PARVB: variants seen among roughly 807,000 people sequenced by gnomAD.
PARVB encodes the protein parvin beta.
Under a neutral mutation model 47.0 loss-of-function variants are expected in PARVB, and 46 were observed. The observed-to-expected ratio is 0.98, with a 90% CI of 0.77 to 1.25. PARVB has a LOEUF of 1.25. PARVB is among the 50% of genes most tolerant of loss of function. PARVB has a pLI of 0.00. For synonymous variants in PARVB, 196 were observed against 196.3 expected, an observed-to-expected ratio of 1.00 and a Z score of 0.01; for missense variants, 473 against 471.6, an observed-to-expected ratio of 1.00 and a Z score of -0.03.
chr22:44,132,235 T>C (rs966463356), intron 5 of PARVB, among the ~76,000 whole-genome samples: 23 of 152,304 alleles, frequency 1.5e-4, no homozygotes, highest in Non-Finnish European at 2.5e-4. Flanking sequence ...CAGGAGACCC[T>C]GGAGCCTGGC....
intron 2 of PARVB, among the ~76,000 whole-genome samples, chr22:44,096,573 G>A (rs1339948702): frequency 6.6e-6 from 1 of 152,184 alleles, no homozygotes; most frequent in Non-Finnish European, 1.5e-5. Flanking sequence ...ACCCTGTGAG[G>A]TGGGTTGTAT....
At chr22:44,137,585 C>G (rs2053464326) in intron 7 of PARVB, among the ~76,000 whole-genome samples, 1 of 152,200 alleles carries the variant, frequency 6.6e-6, no homozygotes, top group African/African-American at 2.4e-5. Flanking sequence ...GCAATTTAGG[C>G]TGGGCTCAGC....
At position 44,155,621 on chromosome 22, in the gene PARVB, C is replaced by G. The variant is rs2053915111; in HGVS notation, c.844-2361C>G. 1.3e-5 allele frequency among the ~76,000 whole-genome samples: 2 copies of G among 152,190 alleles called. No homozygotes were observed. The highest frequency in any genetic ancestry group is 4.1e-4 in the South Asian group (2 of 4,824). ...CTTCATTCACGTGGCAGCTTCCATT[C>G]CCTGGAAGTTAGTCCATGGAGACGT... On this transcript the variant is annotated intron_variant, in intron 10 of 12. Coordinates refer to ENST00000338758, the MANE Select transcript of PARVB (RefSeq NM_013327.5). The surrounding 1 kb of genome is among the most constrained non-coding windows in gnomAD (Gnocchi z 4.8).
At chr22:44,124,558 C>G (rs549755459) in intron 4 of PARVB, among the ~76,000 whole-genome samples, 130 of 146,898 alleles carry the variant, frequency 8.8e-4, no homozygotes, top group African/African-American at 3.3e-3. Flanking sequence ...TGGGGGCTGT[C>G]CTGGAGGGTC....
At chr22:44,022,157 C>T (rs1048169335), upstream of PARVB, among the ~76,000 whole-genome samples, 3 of 152,046 alleles carry the variant, frequency 2.0e-5, no homozygotes, top group African/African-American at 7.2e-5. Flanking sequence ...CTCATAATTC[C>T]CGTAGACCTT....
At chr22:44,122,570 G>T (rs12166727) in intron 4 of PARVB, among the ~76,000 whole-genome samples, 1 of 82,664 alleles carries the variant, frequency 1.2e-5, no homozygotes, top group Non-Finnish European at 2.6e-5. Context: ...GACAGAGAGA[G>T]AGAGAGAGAG....
intron 7 of PARVB, 109 bp downstream of exon 7, chr22:44,136,627 C>A: frequency 1.2e-6 from 1 of 831,540 alleles, no homozygotes; most frequent in Non-Finnish European, 2.1e-6. Flanking sequence ...TGCTCCCGCT[C>A]CACACCCCTT....
rs148017095 is a variant in PARVB at position 44,043,871 on chromosome 22, A to G, written c.112+19420A>G. Among the ~76,000 whole-genome samples the G allele has an allele frequency of 6.0e-4, 91 of 152,272 alleles. No homozygotes were observed. In the East Asian group the frequency reaches 0.016, roughly 27 times the overall value. ...GAGGGCGGGTGGATCCGGGACAGAC[A>G]TGGAATTTTCAGTCTTCCTCCTCCT... On this transcript the variant is annotated intron_variant, in intron 1 of 12. Coordinates refer to ENST00000338758, the MANE Select transcript of PARVB (RefSeq NM_013327.5).
At chr22:44,029,917 A>AAAAAG (rs1337416741) in intron 1 of PARVB, among the ~76,000 whole-genome samples, 1 of 107,694 alleles carries the variant, frequency 9.3e-6, no homozygotes, top group African/African-American at 5.1e-5. Flanking sequence ...CTCAAAAAAA[A>AAAAAG]AAAAGAAAAG....
chr22:44,079,131 T>C (rs771396367), intron 1 of PARVB, among the ~76,000 whole-genome samples: 1 of 152,246 alleles, frequency 6.6e-6, no homozygotes, highest in Non-Finnish European at 1.5e-5. Context: ...TTTCCCGCAA[T>C]GTGTGTCCTC....
chr22:44,007,685 A>G (rs1176404858), intron 2 of PARVB, among the ~76,000 whole-genome samples: 2 of 152,156 alleles, frequency 1.3e-5, no homozygotes, highest in Admixed American at 1.3e-4. Flanking sequence ...TTTTGGTAAA[A>G]TGCACATAAA....
intron 2 of PARVB, among the ~76,000 whole-genome samples, chr22:44,005,164 A>G (rs2050451283): frequency 1.3e-5 from 2 of 149,480 alleles, no homozygotes; most frequent in African/African-American, 4.9e-5. Flanking sequence ...CAGTGGCACA[A>G]TCACGGCTCA....
intron 2 of PARVB, among the ~76,000 whole-genome samples, chr22:44,096,486 TG>T (rs1466558467): frequency 6.6e-6 from 1 of 152,230 alleles, no homozygotes; most frequent in Non-Finnish European, 1.5e-5. Flanking sequence ...TCATATCCTT[TG>T]GGCTCATAAA....
exon 1 of PARVB, chr22:43,999,285 T>C: frequency 3.7e-6 from 5 of 1,353,544 alleles, no homozygotes; most frequent in Non-Finnish European, 5.1e-6. Flanking sequence ...AATTTCTGAA[T>C]TCTCCCTTTT....
intron 2 of PARVB, among the ~76,000 whole-genome samples, chr22:44,016,427 T>C (rs1328980915): frequency 1.3e-5 from 2 of 152,130 alleles, no homozygotes; most frequent in Non-Finnish European, 2.9e-5. Context: ...TAACTTCCAC[T>C]CTAAACCTCA....
intron 1 of PARVB, among the ~76,000 whole-genome samples, chr22:44,072,386 G>A (rs777354700): frequency 1.1e-4 from 16 of 150,486 alleles, no homozygotes; most frequent in Non-Finnish European, 2.1e-4. Flanking sequence ...AAGGGAAGGG[G>A]ACTGGAGAAG....
intron 4 of PARVB, among the ~76,000 whole-genome samples, chr22:44,120,403 G>A (rs914388209): frequency 9.2e-5 from 14 of 152,126 alleles, no homozygotes; most frequent in Admixed American, 3.3e-4. Context: ...CTTTTATGAC[G>A]TTTTGGAAGG....
At position 44,172,806 on chromosome 22, in the gene PARVB, T is replaced by C. The variant is rs2054281277; in HGVS notation, c.*4128T>C. ...TGTTTGTCAGGCCCACCTGGCTGAG[T>C]GCAGGAAGCAAGCGCTTTTCAGGAG... On this transcript the variant is annotated 3_prime_UTR_variant, in exon 13 of 13. Transcript: ENST00000338758. 1.0e-5 allele frequency: 4 copies of C among 399,428 alleles called. No individual in the cohort carries two copies. Among genetic ancestry groups the C allele is most frequent in the Non-Finnish European group, 1.8e-5 (4 of 228,262 alleles). 24.7% of individuals were successfully genotyped at this position (399,428 alleles called of 1,614,324 possible). A position where few individuals can be genotyped will look rare whatever the true frequency, so the allele number is the denominator to read the frequency against.
At chr22:44,139,319 C>T (rs1279010601) in intron 7 of PARVB, 1 of 152,718 alleles carries the variant, frequency 6.5e-6, no homozygotes, top group Non-Finnish European at 1.5e-5. Context: ...ATCCTCCCAC[C>T]TCAGCACCTG....
Sources: allele counts gnomAD v4.1 joint callset (sites outside exome capture counted in the v4.1 genomes callset), GRCh38; gene constraint gnomAD v4.1.1; non-coding constraint Gnocchi (gnomAD v3.1); transcripts MANE v1.5; gene names NCBI Gene and HGNC (gene_info 2026-07-23, HGNC 2026-07-21).